DIP2C: variants seen among roughly 807,000 people sequenced by gnomAD.
The protein encoded by DIP2C is DIP2 acetate--CoA ligase C (putative).
A neutral mutation model predicts 192.4 loss-of-function variants in DIP2C; 33 were observed. That is an observed-to-expected ratio of 0.17 (90% CI 0.13 to 0.23). DIP2C has a LOEUF of 0.23. DIP2C is among the 10% of genes least tolerant of loss of function. The pLI, the probability that DIP2C is intolerant of heterozygous loss-of-function variation, is 1.00. For missense variants in DIP2C, 1,537 were observed against 2,110.1 expected (o/e 0.73, Z 5.32); for synonymous variants, 979 against 864.1 (o/e 1.13, Z -2.33).
At chr10:584,065 C>T (rs547870451) in intron 1 of DIP2C, among the ~76,000 whole-genome samples, 17 of 152,284 alleles carry the variant, frequency 1.1e-4, no homozygotes, top group Admixed American at 9.8e-4. Context: ...GCCCCCAAAT[C>T]CCTGCATCCC....
chr10:588,590 G>A (rs1210978407), intron 1 of DIP2C, among the ~76,000 whole-genome samples: 1 of 152,236 alleles, frequency 6.6e-6, no homozygotes, highest in Non-Finnish European at 1.5e-5. Flanking sequence ...GGTCCCGGCA[G>A]AGGTCCCAGG....
intron 36 of DIP2C, among the ~76,000 whole-genome samples, chr10:278,430 GCC>G (rs757313151): frequency 0.27 from 41,179 of 152,258 alleles, 5,684 homozygotes; most frequent in Middle Eastern, 0.37. Flanking sequence ...CTCCTGGCGT[GCC>G]TGTGCCATTG....
intron 3 of DIP2C, among the ~76,000 whole-genome samples, chr10:458,937 C>T (rs1205838129): frequency 6.6e-6 from 1 of 151,178 alleles, no homozygotes; most frequent in African/African-American, 2.4e-5. Flanking sequence ...GCATAAAATC[C>T]GCCTCAAGGA....
intron 1 of DIP2C, among the ~76,000 whole-genome samples, chr10:642,409 T>C (rs1855238682): frequency 6.6e-6 from 1 of 152,188 alleles, no homozygotes; most frequent in African/African-American, 2.4e-5. Flanking sequence ...GCCCATCTCA[T>C]CTAATGCATG....
intron 1 of DIP2C, among the ~76,000 whole-genome samples, chr10:617,142 G>A (rs1229012346): frequency 1.3e-5 from 2 of 151,940 alleles, no homozygotes; most frequent in Admixed American, 6.6e-5. Context: ...CACTGCCTCT[G>A]TGCCTCCCGC....
intron 1 of DIP2C, among the ~76,000 whole-genome samples, chr10:539,810 A>G (rs541416175): frequency 2.0e-5 from 3 of 152,342 alleles, no homozygotes; most frequent in Admixed American, 2.0e-4. Context: ...TTTAAAGTGA[A>G]ATAACAGTTT....
chr10:337,752 T>A (rs61721829), intron 29 of DIP2C, among the ~76,000 whole-genome samples: 153 of 13,510 alleles, frequency 0.011, 1 homozygote, highest in African/African-American at 0.033. Flanking sequence ...AGGACTAGGC[T>A]GATGTGTGTG....
intron 1 of DIP2C, among the ~76,000 whole-genome samples, chr10:678,341 G>A (rs1278206287): frequency 1.3e-5 from 2 of 152,128 alleles, no homozygotes; most frequent in Non-Finnish European, 2.9e-5. Flanking sequence ...GGGCCACCAG[G>A]AAGAGAGAAG....
chr10:331,052 G>C (rs566803535), intron 29 of DIP2C, among the ~76,000 whole-genome samples: 35 of 147,400 alleles, frequency 2.4e-4, no homozygotes, highest in African/African-American at 8.6e-4. Flanking sequence ...CTGGCTTCAA[G>C]TACTCCTCCT....
intron 1 of DIP2C, among the ~76,000 whole-genome samples, chr10:605,451 C>T (rs1852392298): frequency 6.6e-6 from 1 of 152,198 alleles, no homozygotes; most frequent in Non-Finnish European, 1.5e-5. Context: ...ACCATAAGCA[C>T]CACAACAAAT....
intron 17 of DIP2C, among the ~76,000 whole-genome samples, chr10:374,773 A>G (rs959520471): frequency 1.3e-5 from 2 of 152,258 alleles, no homozygotes; most frequent in Admixed American, 6.5e-5. Context: ...CCAAGTAGGT[A>G]GATGAGGTGA....
chr10:323,217 G>A (rs1458568625), intron 31 of DIP2C, among the ~76,000 whole-genome samples: 6 of 26,706 alleles, frequency 2.2e-4, no homozygotes, highest in Non-Finnish European at 4.9e-4. Context: ...GCGAGAGACC[G>A]GCGTTGTTAG....
chr10:542,612 G>A (rs1564833633), intron 1 of DIP2C, among the ~76,000 whole-genome samples: 1 of 152,228 alleles, frequency 6.6e-6, no homozygotes, highest in Non-Finnish European at 1.5e-5. Flanking sequence ...GGGGAATGGA[G>A]GGTTCTAACC....
intron 4 of DIP2C, among the ~76,000 whole-genome samples, chr10:424,934 G>A (rs919847299): frequency 2.0e-5 from 3 of 151,810 alleles, no homozygotes; most frequent in Non-Finnish European, 2.9e-5. Flanking sequence ...ATAACCAACG[G>A]TGACTAATAT....
chr10:293,236 T>G (rs1218950508), intron 32 of DIP2C, among the ~76,000 whole-genome samples: 1 of 152,106 alleles, frequency 6.6e-6, no homozygotes, highest in Non-Finnish European at 1.5e-5. Flanking sequence ...ACCTTCAATC[T>G]CAAAAACCAG....
At position 523,461 on chromosome 10, in the gene DIP2C, G is replaced by A. The variant is rs1193432047; in HGVS notation, c.86-36931C>T. On this transcript the variant is annotated intron_variant, in intron 1 of 36. Coordinates refer to ENST00000280886, the MANE Select transcript of DIP2C (RefSeq NM_014974.3). ...TGTCACCCACACACTCGTTTCTACT[G>A]GATGCAAAGGACCCTGGAGTGAGGA... Among the ~76,000 whole-genome samples, 7 of 105,278 alleles carry A rather than the reference G, an allele frequency of 6.6e-5. 1 individual carries two copies. Among genetic ancestry groups the A allele is most frequent in the African/African-American group, 2.7e-4 (7 of 25,758 alleles). The allele number at this position is 105,278 out of a possible 152,430, so 69.1% of individuals were successfully genotyped here.
intron 1 of DIP2C, chr10:664,716 T>C (rs998008131): frequency 3.9e-5 from 6 of 152,212 alleles, no homozygotes; most frequent in African/African-American, 1.4e-4. Context: ...AAATGTATAT[T>C]CTGAAATATT....
intron 1 of DIP2C, among the ~76,000 whole-genome samples, chr10:564,110 A>G (rs926725171): frequency 6.6e-6 from 1 of 152,182 alleles, no homozygotes; most frequent in Non-Finnish European, 1.5e-5. Flanking sequence ...GGAACAGAAA[A>G]AGACTTAGGG....
At chr10:331,539 AAAC>A (rs1020519322) in intron 29 of DIP2C, among the ~76,000 whole-genome samples, 3 of 152,252 alleles carry the variant, frequency 2.0e-5, no homozygotes, top group Admixed American at 2.0e-4. Context: ...ATTAGTGACT[AAAC>A]AACATAGTAC....
Sources: allele counts gnomAD v4.1 joint callset (sites outside exome capture counted in the v4.1 genomes callset), GRCh38; gene constraint gnomAD v4.1.1; transcripts MANE v1.5; gene names NCBI Gene and HGNC (gene_info 2026-07-23, HGNC 2026-07-21).